Variants in DNA2 observed in about 807,000 individuals in gnomAD.
The protein encoded by DNA2 is DNA replication ATP-dependent helicase/nuclease DNA2.
DNA2 carries 101 observed loss-of-function variants against 119.1 expected under a neutral mutation model. The ratio of observed to expected loss-of-function variants is 0.85; its 90% confidence interval spans 0.72 to 1.00. DNA2 has a LOEUF of 1.00. Ranked by LOEUF, DNA2 falls within the 50% of genes least tolerant of loss-of-function variation. The probability of loss-of-function intolerance (pLI) is 0.00; values close to 1 mark genes in which losing one functional copy is unlikely to be tolerated. For synonymous variants in DNA2, 366 were observed against 424.4 expected (o/e 0.86, Z 1.69); for missense variants, 1,121 against 1,255.5 (o/e 0.89, Z 1.62).
At chr10:68,459,981 C>T (rs190900437) in intron 4 of DNA2, among the ~76,000 whole-genome samples, 4 of 151,168 alleles carry the variant, frequency 2.6e-5, no homozygotes, top group Non-Finnish European at 4.4e-5. Context: ...GAGCTGAGAT[C>T]GCACCAGTGC....
rs188115109 is a variant in DNA2 at position 68,449,828 on chromosome 10, G to A, written c.939+200C>T. Among the ~76,000 whole-genome samples the A allele has an allele frequency of 6.9e-3, 872 of 126,678 alleles. 9 individuals carry two copies. Among genetic ancestry groups the A allele is most frequent in the African/African-American group, 0.021 (827 of 39,966 alleles). The allele number at this position is 126,678 out of a possible 152,430, so 83.1% of individuals were successfully genotyped here. On this transcript the variant is annotated intron_variant, in intron 6 of 20. Coordinates refer to ENST00000358410, the MANE Select transcript of DNA2 (RefSeq NM_001080449.3). The stretch of plus-strand genomic sequence containing the variant: ...CTCAGGAGGCTGAGGCAGGAGAATC[G>A]CTTGAACCCGAGAGGCAGAGATTAC...
chr10:68,468,092 T>G (rs747905019), intron 3 of DNA2, 31 bp downstream of exon 3: 17 of 1,480,068 alleles, frequency 1.1e-5, no homozygotes, highest in Non-Finnish European at 1.5e-5. Flanking sequence ...TCTCAGACCC[T>G]GCAGAAACAT....
chr10:68,439,875 C>A (rs571795310), intron 9 of DNA2, among the ~76,000 whole-genome samples: 1 of 151,366 alleles, frequency 6.6e-6, no homozygotes, highest in Non-Finnish European at 1.5e-5. Context: ...CATGGTGGCA[C>A]GCACCTGTAG....
At chr10:68,415,779 G>A (rs1446845478) in intron 20 of DNA2, among the ~76,000 whole-genome samples, 1 of 152,018 alleles carries the variant, frequency 6.6e-6, no homozygotes, top group Non-Finnish European at 1.5e-5. Flanking sequence ...TCAGCATCAT[G>A]AGTAGCTGGA....
At chr10:68,464,829 C>CAAAAAAAAAAA (rs71009067) in intron 4 of DNA2, among the ~76,000 whole-genome samples, 4 of 40,666 alleles carry the variant, frequency 9.8e-5, no homozygotes, top group African/African-American at 3.8e-4. Flanking sequence ...AACTCCACCT[C>CAAAAAAAAAAA]AAAAAAAAAA....
At chr10:68,459,630 G>T (rs756121256) in intron 4 of DNA2, among the ~76,000 whole-genome samples, 1 of 152,102 alleles carries the variant, frequency 6.6e-6, no homozygotes, top group Non-Finnish European at 1.5e-5. Context: ...TGTTTCAAGG[G>T]CACAAAGCTT....
intron 1 of DNA2, 96 bp downstream of exon 1, chr10:68,471,695 G>C: frequency 7.1e-7 from 1 of 1,416,602 alleles, no homozygotes; most frequent in Non-Finnish European, 9.3e-7. Flanking sequence ...CTGGGCCCCG[G>C]GCCCGGTCAG....
chr10:68,444,734 A>C (rs1374936847), intron 8 of DNA2, among the ~76,000 whole-genome samples, 187 bp downstream of exon 8: 3 of 151,872 alleles, frequency 2.0e-5, no homozygotes, highest in African/African-American at 7.3e-5. Flanking sequence ...TCAAAAAAAA[A>C]AAAAAAAAGA....
At chr10:68,423,286 TA>T (rs34590075) in intron 14 of DNA2, among the ~76,000 whole-genome samples, 23,104 of 141,450 alleles carry the variant, frequency 0.16, 2,040 homozygotes, top group South Asian at 0.26. Flanking sequence ...GCATTATATA[TA>T]AAAAAAAAAA....
Position 68,432,402 on chromosome 10 carries a change from C to T in DNA2, c.1755G>A (p.Thr585=), listed in dbSNP as rs577208486. ...LGNLSKLMEN[T]FVSKKLRDLI... is the part of the protein sequence containing the mutation. ...TGCTCATTGTTACAAACCTGACAAA[C>T]GTGTTTTCCATCAATTTGGAAAGAT... Residue 585 remains threonine, a synonymous_variant, in exon 11 of 21, where the codon ACG becomes ACA. Transcript: ENST00000358410. 1.1e-5 allele frequency: 17 copies of T among 1,591,014 alleles called. No individual in the cohort carries two copies. The highest frequency in any genetic ancestry group is 1.7e-4 in the Middle Eastern group (1 of 6,026).
At chr10:68,430,189 C>T (rs1033108522) in intron 14 of DNA2, among the ~76,000 whole-genome samples, 1 of 151,968 alleles carries the variant, frequency 6.6e-6, no homozygotes. Context: ...CTGGCTGAAA[C>T]CCTGATTATT....
intron 5 of DNA2, among the ~76,000 whole-genome samples, chr10:68,451,070 A>T (rs936695795): frequency 2.1e-4 from 31 of 150,486 alleles, no homozygotes; most frequent in African/African-American, 7.3e-4. Context: ...ACTGCACTAC[A>T]ACCTGAGTGA....
intron 10 of DNA2, among the ~76,000 whole-genome samples, chr10:68,436,202 A>G (rs1202433053): frequency 6.6e-6 from 1 of 152,238 alleles, no homozygotes; most frequent in Admixed American, 6.5e-5. Flanking sequence ...GGATGAACAA[A>G]ATGTGGTGTA....
chr10:68,455,793 C>G (rs1323721544), intron 5 of DNA2, among the ~76,000 whole-genome samples: 2 of 151,888 alleles, frequency 1.3e-5, no homozygotes, highest in Non-Finnish European at 2.9e-5. Context: ...TGTACTTCAG[C>G]CTGAGCGACA....
intron 7 of DNA2, 56 bp downstream of exon 7, chr10:68,446,240 G>A (rs2052037587): frequency 2.3e-6 from 2 of 886,152 alleles, no homozygotes; most frequent in African/African-American, 1.7e-5. Context: ...TGTATCACTA[G>A]AAGCTGAAGT....
At position 68,422,542 on chromosome 10, in the gene DNA2, T is replaced by G; in HGVS notation, c.2465A>C (p.Gln822Pro). The G allele has an allele frequency of 6.2e-7, 1 of 1,614,050 alleles. No individual in the cohort carries two copies. Among genetic ancestry groups the G allele is most frequent in the South Asian group, 1.1e-5 (1 of 91,088 alleles). The change falls in exon 16 of 21, where the codon CAG (glutamine) becomes CCG (proline). Residue 822 changes from glutamine (Q) to proline (P), a missense_variant. Transcript: ENST00000358410. ...RLEQNKSAVVQLTVQYRMNSK... is the reference protein window; with the variant it reads ...RLEQNKSAVVPLTVQYRMNSK... ...GTTCATTCTGTACTGCACGGTTAAC[T>G]GTACAACAGCACTCTTATTCTGCTC... is the stretch of plus-strand genomic sequence containing the variant.
rs377537957 is a variant in DNA2 at position 68,457,486 on chromosome 10, C to T, written c.719+1618G>A. 4.8e-3 allele frequency among the ~76,000 whole-genome samples: 729 copies of T among 152,298 alleles called. 1 individual carries two copies. Among genetic ancestry groups the T allele is most frequent in the Non-Finnish European group, 8.0e-3 (542 of 68,026 alleles). On this transcript the variant is annotated intron_variant, in intron 5 of 20. Coordinates refer to ENST00000358410, the MANE Select transcript of DNA2 (RefSeq NM_001080449.3). The stretch of plus-strand genomic sequence containing the variant: ...TCCCTGCCACCACTACCTACCTATT[C>T]TCCCTTTCTTCTTATCCTCCTCATT...
chr10:68,451,095 C>CT (rs2052111344), intron 5 of DNA2, among the ~76,000 whole-genome samples: 1 of 95,110 alleles, frequency 1.1e-5, no homozygotes, highest in African/African-American at 4.1e-5. Context: ...ACAAGACTGT[C>CT]TAAAAAAAAA....
intron 9 of DNA2, among the ~76,000 whole-genome samples, chr10:68,437,928 A>AT (rs1347977004): frequency 6.6e-6 from 1 of 152,016 alleles, no homozygotes; most frequent in Non-Finnish European, 1.5e-5. Context: ...GCCAGGCTGG[A>AT]TTCGGACCCC....
Sources: allele counts gnomAD v4.1 joint callset (sites outside exome capture counted in the v4.1 genomes callset), GRCh38; gene constraint gnomAD v4.1.1; transcripts MANE v1.5; gene names NCBI Gene and HGNC (gene_info 2026-07-23, HGNC 2026-07-21).